The following NTRK3 variants were observed in gnomAD, a reference collection of about 807,000 sequenced individuals.
NTRK3 encodes the protein neurotrophic receptor tyrosine kinase 3.
NTRK3 carries 24 observed loss-of-function variants against 91.7 expected under a neutral mutation model. The observed-to-expected ratio is 0.26, with a 90% CI of 0.19 to 0.37. NTRK3 has a LOEUF of 0.37. NTRK3 is among the 10% of genes least tolerant of loss of function. NTRK3 has a pLI of 1.00. For missense variants in NTRK3, 880 were observed against 1,068.9 expected (o/e 0.82, Z 2.46); for synonymous variants, 483 against 404.0 (o/e 1.20, Z -2.34).
Position 88,009,245 on chromosome 15 carries a change from A to G in NTRK3, c.1585+23612T>C, listed in dbSNP as rs58217818. 4.0e-3 allele frequency among the ~76,000 whole-genome samples: 604 copies of G among 152,338 alleles called. 6 individuals are homozygous for G. Among genetic ancestry groups the G allele is most frequent in the African/African-American group, 0.014 (566 of 41,582 alleles). Reference sequence around the variant, plus strand: ...ATTGAATGTATGAAGCTATTACTATATGCAGAACACTTTGCATTTATTTCC... The same window carrying G: ...ATTGAATGTATGAAGCTATTACTATGTGCAGAACACTTTGCATTTATTTCC... On this transcript the variant is annotated intron_variant, in intron 14 of 18. Coordinates refer to ENST00000394480, the Ensembl canonical transcript of NTRK3.
intron 14 of NTRK3, among the ~76,000 whole-genome samples, chr15:88,023,943 G>C (rs1254226239): frequency 1.3e-5 from 2 of 152,180 alleles, no homozygotes; most frequent in Non-Finnish European, 2.9e-5. Flanking sequence ...TATTTCATCT[G>C]CAAGTCCATT....
intron 14 of NTRK3, among the ~76,000 whole-genome samples, chr15:87,954,007 A>AGTGTGTGTGTGTGTGTGTGTGT (rs61653896): frequency 3.9e-5 from 5 of 127,742 alleles, no homozygotes; most frequent in South Asian, 5.9e-4. Context: ...AGACCTTTTC[A>AGTGTGTGTGTGTGTGTGTGTGT]GTGTGTGTGT....
At chr15:88,111,585 G>A (rs990939535) in intron 13 of NTRK3, among the ~76,000 whole-genome samples, 2 of 152,142 alleles carry the variant, frequency 1.3e-5, no homozygotes, top group African/African-American at 4.8e-5. Context: ...GCAGGTCCCT[G>A]GGATGGGGAC....
intron 5 of NTRK3, among the ~76,000 whole-genome samples, chr15:88,172,177 T>C (rs1186046583): frequency 6.6e-6 from 1 of 151,216 alleles, no homozygotes; most frequent in Non-Finnish European, 1.5e-5. Context: ...GGCAAAGGGG[T>C]TAACCCAGCA....
intron 5 of NTRK3, among the ~76,000 whole-genome samples, chr15:88,149,630 A>C (rs966968656): frequency 4.6e-5 from 7 of 152,238 alleles, no homozygotes; most frequent in African/African-American, 1.4e-4. Context: ...TGATAAAAGA[A>C]GAACTGCAGT....
chr15:88,108,352 C>T (rs1417848259), intron 13 of NTRK3, among the ~76,000 whole-genome samples: 1 of 152,220 alleles, frequency 6.6e-6, no homozygotes, highest in Non-Finnish European at 1.5e-5. Flanking sequence ...ATCTTGGACA[C>T]ACAGCACAAA....
chr15:87,997,337 G>A (rs980251737), intron 14 of NTRK3, among the ~76,000 whole-genome samples: 2 of 152,128 alleles, frequency 1.3e-5, no homozygotes, highest in South Asian at 2.1e-4. Context: ...GAGAGAAGGC[G>A]ATGAAGCATC....
chr15:88,117,327 G>T (rs1233147494), intron 13 of NTRK3, among the ~76,000 whole-genome samples: 1 of 152,166 alleles, frequency 6.6e-6, no homozygotes, highest in Non-Finnish European at 1.5e-5. Flanking sequence ...TATATTAGAT[G>T]TCTGGCACAC....
At chr15:88,198,008 T>C (rs1282279924) in intron 3 of NTRK3, among the ~76,000 whole-genome samples, 16 of 152,342 alleles carry the variant, frequency 1.1e-4, no homozygotes. Context: ...GCTGAACTCA[T>C]GGAGGCATCA....
exon 19 of NTRK3, chr15:87,873,032 G>A (rs2064863842): frequency 4.3e-6 from 1 of 233,046 alleles, no homozygotes; most frequent in Admixed American, 5.6e-5. Context: ...CTCCCGGCAT[G>A]GCTGACTCAC....
At chr15:88,096,776 C>CT (rs1248192299) in intron 13 of NTRK3, among the ~76,000 whole-genome samples, 1 of 152,206 alleles carries the variant, frequency 6.6e-6, no homozygotes, top group African/African-American at 2.4e-5. Flanking sequence ...CCCAGCAGGA[C>CT]TAAGCTCCAG....
At chr15:87,906,996 T>C (rs1450638795) in intron 17 of NTRK3, among the ~76,000 whole-genome samples, 1 of 152,216 alleles carries the variant, frequency 6.6e-6, no homozygotes, top group Non-Finnish European at 1.5e-5. Context: ...TGCCCCAATT[T>C]ACCAAGAAAG....
intron 14 of NTRK3, among the ~76,000 whole-genome samples, chr15:88,025,333 A>C (rs2077943864): frequency 6.6e-6 from 1 of 152,232 alleles, no homozygotes; most frequent in South Asian, 2.1e-4. Flanking sequence ...ATGCAGCTTT[A>C]TTTATAATTG....
chr15:87,860,355 G>C (rs1567041659), exon 19 of NTRK3: 1 of 218,506 alleles, frequency 4.6e-6, no homozygotes, highest in Non-Finnish European at 9.2e-6. Flanking sequence ...GTTTTCTTTT[G>C]AGGTTGGGGA....
intron 17 of NTRK3, among the ~76,000 whole-genome samples, chr15:87,891,337 T>A (rs1320869957): frequency 6.6e-6 from 1 of 152,230 alleles, no homozygotes; most frequent in South Asian, 2.1e-4. Context: ...ATTTGTTTCA[T>A]GTTTGCTTTT....
intron 14 of NTRK3, among the ~76,000 whole-genome samples, chr15:87,992,179 G>T (rs2075339285): frequency 6.6e-6 from 1 of 152,098 alleles, no homozygotes; most frequent in Non-Finnish European, 1.5e-5. Context: ...ACTGTGTGAT[G>T]CCCAAACAGC....
At chr15:88,134,095 T>C (rs1347698235) in intron 10 of NTRK3, among the ~76,000 whole-genome samples, 1 of 152,238 alleles carries the variant, frequency 6.6e-6, no homozygotes, top group African/African-American at 2.4e-5. Context: ...AGCATGCATG[T>C]GCATGTGTGT....
chr15:87,870,485 T>A (rs1259589175), exon 19 of NTRK3: 1 of 210,010 alleles, frequency 4.8e-6, no homozygotes, highest in Non-Finnish European at 9.7e-6. Flanking sequence ...TGGTGCATAC[T>A]GCCTGGGTGA....
chr15:88,091,070 G>A (rs555441994), intron 13 of NTRK3, among the ~76,000 whole-genome samples: 9 of 152,350 alleles, frequency 5.9e-5, no homozygotes, highest in Non-Finnish European at 1.0e-4. Context: ...AAAGTCAGGG[G>A]CTAGGGGAGT....
Sources: gnomAD v4.1 joint callset for allele counts (sites outside exome capture counted in the v4.1 genomes callset) on GRCh38, gnomAD v4.1.1 for gene constraint, MANE v1.5 for transcripts, NCBI Gene and HGNC (gene_info 2026-07-23, HGNC 2026-07-21) for gene names.